PGK1: variants seen among roughly 807,000 people sequenced by gnomAD.
PGK1 encodes phosphoglycerate kinase 1.
Under a neutral mutation model 26.9 loss-of-function variants are expected in PGK1, and 3 were observed. The ratio of observed to expected loss-of-function variants is 0.11; its 90% confidence interval spans 0.05 to 0.29. The LOEUF is 0.29. Ranked by LOEUF, PGK1 falls within the 10% of genes least tolerant of loss-of-function variation. PGK1 has a pLI of 1.00. For missense variants in PGK1, 270 were observed against 314.7 expected (o/e 0.86, Z 1.07); for synonymous variants, 125 against 115.3 (o/e 1.08, Z -0.54).
chrX:78,125,294 C>T, intron 9 of PGK1, 33 bp from the exon 10 acceptor site: 2 of 1,081,234 alleles, frequency 1.8e-6, no homozygotes, highest in Non-Finnish European at 2.6e-6. Flanking sequence ...TCTTTTCTCT[C>T]TTTTCCCTTT....
chrX:78,125,673 C>T (rs1203009114), intron 10 of PGK1, 117 bp from the exon 11 acceptor site: 23 of 710,462 alleles, frequency 3.2e-5, no homozygotes, highest in Admixed American at 6.7e-5. Flanking sequence ...TGGCCAGCTC[C>T]TGGCCATATA....
At chrX:78,124,836 C>T in intron 8 of PGK1, 38 bp from the exon 9 acceptor site, 3 of 1,164,873 alleles carry the variant, frequency 2.6e-6, no homozygotes, top group Non-Finnish European at 3.5e-6. Flanking sequence ...AGTAGCTTTT[C>T]TTGATAGCTC....
intron 1 of PGK1, 37 bp downstream of exon 1, chrX:78,104,442 C>T: frequency 1.9e-6 from 2 of 1,046,331 alleles, no homozygotes; most frequent in Non-Finnish European, 2.7e-6. Context: ...TCTCTGTGCT[C>T]TGTCGCAAAC....
At position 78,124,915 on chromosome X, in the gene PGK1, G is replaced by A. The variant is rs782002575; in HGVS notation, c.978G>A (p.Glu326=). The change falls in exon 9 of 11, where the codon GAG becomes GAA. Residue 326 remains glutamate, a synonymous_variant. Transcript: ENST00000373316. ...CGPESSKKYA[E]AVTRAKQIVW... is the part of the protein sequence containing the mutation. ...CTGAAAGCAGCAAGAAGTATGCTGA[G>A]GCTGTCACTCGGGCTAAGCAGATTG... is the stretch of plus-strand genomic sequence containing the variant. 1.7e-5 allele frequency: 21 copies of A among 1,207,512 alleles called. No homozygotes were observed. The South Asian group carries it at 2.1e-4, about 12-fold the overall frequency.
chrX:78,108,440 C>G (rs1340157476), intron 1 of PGK1, among the ~76,000 whole-genome samples: 1 of 112,380 alleles, frequency 8.9e-6, no homozygotes, highest in Non-Finnish European at 1.9e-5. Flanking sequence ...TGGCCTGAAA[C>G]AAAGTAGAGT....
At chrX:78,107,942 CAG>C (rs1410429844) in intron 1 of PGK1, among the ~76,000 whole-genome samples, 2 of 100,080 alleles carry the variant, frequency 2.0e-5, no homozygotes, top group Non-Finnish European at 4.0e-5. Flanking sequence ...AAGCAAAGCT[CAG>C]GGGTGTTATA....
intron 6 of PGK1, among the ~76,000 whole-genome samples, chrX:78,121,676 ATTAC>A (rs2078355776): frequency 8.9e-6 from 1 of 112,421 alleles, no homozygotes; most frequent in Non-Finnish European, 1.9e-5. Flanking sequence ...AAGGCAGGCT[ATTAC>A]TTTGTTTCTC....
In PGK1 at chrX:78,117,343, T is replaced by G; in HGVS notation, c.449T>G (p.Phe150Cys). 1 of 1,208,430 alleles carries G rather than the reference T, an allele frequency of 8.3e-7. No homozygotes were observed. The highest frequency in any genetic ancestry group is 1.1e-6 in the Non-Finnish European group (1 of 892,455). ...VKAEPAKIEAFRASLSKLGDV... is the reference protein window; with the variant it reads ...VKAEPAKIEACRASLSKLGDV... ...GCCGAGCCAGCCAAAATAGAAGCTT[T>G]CCGAGCTTCACTTTCCAAGCTAGGG... Residue 150 changes from phenylalanine (F) to cysteine (C), a missense_variant, in exon 5 of 11, where the codon TTC becomes TGC. Around this residue, in one of 3 missense-constraint regions of PGK1, gnomAD observed 150 missense variants for 154.6 expected, o/e 0.97. Transcript: ENST00000373316.
Position 78,128,685 on chromosome X carries a change from A to G in PGK1, c.*2855A>G. 8.9e-6 allele frequency: 1 copy of G among 112,580 alleles called. No individual in the cohort carries two copies. Among genetic ancestry groups the G allele is most frequent in the Non-Finnish European group, 1.9e-5 (1 of 53,341 alleles). 9.3% of individuals were successfully genotyped at this position (112,580 alleles called of 1,213,427 possible). On this transcript the variant is annotated 3_prime_UTR_variant, in exon 11 of 11. Coordinates refer to ENST00000373316, the MANE Select transcript of PGK1 (RefSeq NM_000291.4). The stretch of plus-strand genomic sequence containing the variant: ...AGACTATATATGTGTGTTTATATGC[A>G]GAAAAAAATAATTCCCATGTCGTAA...
At position 78,124,981 on chromosome X, in the gene PGK1, T is replaced by C. The variant is rs371615868; in HGVS notation, c.1044T>C (p.Phe348=). Residue 348 remains phenylalanine (F), a synonymous_variant, in exon 9 of 11, where the codon TTT becomes TTC. Coordinates refer to ENST00000373316, the MANE Select transcript of PGK1 (RefSeq NM_000291.4). ...TGGGGGTATTTGAATGGGAAGCTTTTGCCCGGGGAACCAAAGCTCTCATGG... is the reference window on the plus strand; with the variant it reads ...TGGGGGTATTTGAATGGGAAGCTTTCGCCCGGGGAACCAAAGCTCTCATGG... ...GPVGVFEWEA[F]ARGTKALMDE... 5 of 1,208,286 alleles carry C rather than the reference T, an allele frequency of 4.1e-6. No individual in the cohort carries two copies. The African/African-American group carries it at 7.0e-5, about 17-fold the overall frequency.
intron 4 of PGK1, among the ~76,000 whole-genome samples, chrX:78,116,251 T>G (rs2149133230): frequency 8.9e-6 from 1 of 111,741 alleles, no homozygotes; most frequent in Non-Finnish European, 1.9e-5. Context: ...CACAATGAAT[T>G]AGTGTCAGAG....
In PGK1 at chrX:78,126,067, A is replaced by T; in HGVS notation, c.*237A>T. ...TTTTTTAGTGACTAAACCATTGTGC[A>T]TTCTAGAGTGCATATATTTATATTT... On this transcript the variant is annotated 3_prime_UTR_variant, in exon 11 of 11. Coordinates refer to ENST00000373316, the MANE Select transcript of PGK1 (RefSeq NM_000291.4). 2.3e-6 allele frequency: 1 copy of T among 426,714 alleles called. No individual in the cohort carries two copies. Among genetic ancestry groups the T allele is most frequent in the Non-Finnish European group, 4.1e-6 (1 of 243,344 alleles). 35.2% of individuals were successfully genotyped at this position (426,714 alleles called of 1,213,427 possible).
At chrX:78,104,452 C>T (rs1557245953) in intron 1 of PGK1, 47 bp downstream of exon 1, 8 of 989,114 alleles carry the variant, frequency 8.1e-6, no homozygotes, top group Middle Eastern at 2.6e-4. Context: ...CTGTCGCAAA[C>T]CTCTTTGGCC....
At chrX:78,110,323 A>T (rs1212606193) in intron 2 of PGK1, among the ~76,000 whole-genome samples, 1 of 105,727 alleles carries the variant, frequency 9.5e-6, no homozygotes, top group African/African-American at 3.4e-5. Flanking sequence ...TGGTTAAATT[A>T]AAAAAAAATT....
In PGK1 at chrX:78,124,854, C is replaced by CT. The variant is rs782576397; in HGVS notation, c.937-17dup. The stretch of plus-strand genomic sequence containing the variant: ...AGCTTTTCTTGATAGCTCATCTTCT[C>CT]TTTCACCTCTACCCCTCAGGGCTTG... On this transcript the variant is annotated intron_variant, in intron 8 of 10. Coordinates refer to ENST00000373316, the MANE Select transcript of PGK1 (RefSeq NM_000291.4). 4.2e-3 allele frequency: 5,081 copies of CT among 1,196,777 alleles called. 12 individuals are homozygous for CT. Among genetic ancestry groups the CT allele is most frequent in the Non-Finnish European group, 5.2e-3 (4,583 of 884,679 alleles).
At chrX:78,105,907 G>A (rs1219727564) in intron 1 of PGK1, among the ~76,000 whole-genome samples, 1 of 111,808 alleles carries the variant, frequency 8.9e-6, no homozygotes, top group African/African-American at 3.3e-5. Context: ...AACAGGACAG[G>A]TGGACATTGG....
intron 1 of PGK1, among the ~76,000 whole-genome samples, chrX:78,104,648 C>T (rs2078260180): frequency 9.0e-6 from 1 of 111,281 alleles, no homozygotes; most frequent in Non-Finnish European, 1.9e-5. Context: ...CTGAGATTGC[C>T]GCTGGGACCC....
chrX:78,107,451 T>C (rs1469878080), intron 1 of PGK1, among the ~76,000 whole-genome samples: 2 of 111,710 alleles, frequency 1.8e-5, no homozygotes, highest in Non-Finnish European at 3.8e-5. Context: ...TTCTAAAATT[T>C]TGTCACTTCA....
chrX:78,113,847 G>A lies in PGK1; in HGVS notation c.220G>A (p.Asp74Asn). The change falls in exon 3 of 11, where the codon GAC becomes AAC. Residue 74 changes from aspartate to asparagine, a missense_variant. Transcript: ENST00000373316. Reference protein sequence around the residue: ...LGRPDGVPMPDKYSLEPVAVE... With the variant: ...LGRPDGVPMPNKYSLEPVAVE... ...CCGGCCTGATGGTGTGCCCATGCCT[G>A]ACAAGTACTCCTTAGAGCCAGTTGC... 1 of 1,211,246 alleles carries A rather than the reference G, an allele frequency of 8.3e-7. No individual in the cohort carries two copies. The highest frequency in any genetic ancestry group is 1.8e-5 in the South Asian group (1 of 56,986).
Sources: gnomAD v4.1 joint callset for allele counts (sites outside exome capture counted in the v4.1 genomes callset) on GRCh38, gnomAD v4.1.1 for gene constraint, gnomAD v4.1.1 regional missense constraint, MANE v1.5 for transcripts, NCBI Gene and HGNC (gene_info 2026-07-23, HGNC 2026-07-21) for gene names.